PPA2: variants seen among roughly 807,000 people sequenced by gnomAD.
The protein encoded by PPA2 is inorganic pyrophosphatase 2.
PPA2 carries 48 observed loss-of-function variants against 49.5 expected under a neutral mutation model. The observed-to-expected ratio is 0.97, with a 90% CI of 0.77 to 1.23. The LOEUF is 1.23. PPA2 is among the 50% of genes most tolerant of loss of function. The probability of loss-of-function intolerance (pLI) is 0.00; values close to 1 mark genes in which losing one functional copy is unlikely to be tolerated. For missense variants in PPA2, 429 were observed against 410.1 expected (o/e 1.05, Z -0.40); for synonymous variants, 131 against 139.9 (o/e 0.94, Z 0.45).
intron 10 of PPA2, among the ~76,000 whole-genome samples, chr4:105,382,689 A>G (rs1381526277): frequency 1.3e-5 from 2 of 152,164 alleles, no homozygotes; most frequent in African/African-American, 2.4e-5. Flanking sequence ...GGTTAAAAAA[A>G]TAAAAAAACT....
At position 105,405,576 on chromosome 4, in the gene PPA2, G is replaced by A. The variant is rs912372607; in HGVS notation, c.656-6412C>T. ...ATTTCTGAAATGAGGTTTTCACTGAGTTCAAGCATATTAACCAAATTATCA... is the reference window on the plus strand; with the variant it reads ...ATTTCTGAAATGAGGTTTTCACTGAATTCAAGCATATTAACCAAATTATCA... On this transcript the variant is annotated intron_variant, in intron 7 of 11. Coordinates refer to ENST00000341695, the MANE Select transcript of PPA2 (RefSeq NM_176869.3). 7 of 982,836 alleles carry A rather than the reference G, an allele frequency of 7.1e-6. No homozygotes were observed. In the African/African-American group the frequency reaches 1.2e-4, roughly 17 times the overall value. 60.9% of individuals were successfully genotyped at this position (982,836 alleles called of 1,614,324 possible).
chr4:105,445,463 C>T (rs1446091645), intron 5 of PPA2, among the ~76,000 whole-genome samples: 1 of 150,678 alleles, frequency 6.6e-6, no homozygotes, highest in Non-Finnish European at 1.5e-5. Context: ...GAATCAGAGA[C>T]AGCCTGACTC....
At chr4:105,405,934 G>A (rs573072257) in intron 7 of PPA2, 2 of 428,438 alleles carry the variant, frequency 4.7e-6, no homozygotes, top group Admixed American at 5.3e-5. Context: ...GTATATACTG[G>A]AATATTTCTG....
Position 105,474,021 on chromosome 4 carries a change from CG to C in PPA2, c.29del (p.Thr10ArgfsTer46). The C allele has an allele frequency of 6.2e-7, 1 of 1,600,062 alleles. No homozygotes were observed. ...GCAGGCACGCAGCGGCTGGGGCACC[CG>C]TGCGCAGCAGCCGCAGCAGCGCGCT... MSALLRLLR[T>X]GAPAAACLRL... On this transcript the variant is annotated frameshift_variant, in exon 1 of 12. Coordinates refer to ENST00000341695, the MANE Select transcript of PPA2 (RefSeq NM_176869.3). LOFTEE classifies it high-confidence loss of function.
chr4:105,436,220 C>T (rs1013095705), intron 6 of PPA2, among the ~76,000 whole-genome samples: 2 of 151,714 alleles, frequency 1.3e-5, no homozygotes, highest in Admixed American at 1.3e-4. Flanking sequence ...CACACACACA[C>T]GCATCATACA....
At chr4:105,449,073 C>T (rs1230165190) in intron 4 of PPA2, among the ~76,000 whole-genome samples, 2 of 140,008 alleles carry the variant, frequency 1.4e-5, no homozygotes, top group Admixed American at 6.9e-5. Flanking sequence ...AAAAAATAGC[C>T]GGGCGTAGTG....
chr4:105,408,987 G>A (rs562824980), intron 7 of PPA2, among the ~76,000 whole-genome samples: 4 of 152,170 alleles, frequency 2.6e-5, no homozygotes, highest in African/African-American at 9.7e-5. Context: ...AGAGATTGAC[G>A]CAAAAGATGG....
chr4:105,425,851 T>C (rs1723481874), intron 6 of PPA2, among the ~76,000 whole-genome samples: 1 of 151,282 alleles, frequency 6.6e-6, no homozygotes, highest in South Asian at 2.1e-4. Flanking sequence ...AGAGAGTAAA[T>C]CTTAAAAGCA....
chr4:105,380,128 T>C (rs888835116), intron 10 of PPA2, among the ~76,000 whole-genome samples: 21 of 152,180 alleles, frequency 1.4e-4, no homozygotes, highest in African/African-American at 4.3e-4. Context: ...TGAACAATAG[T>C]AGTAGAAGCC....
intron 3 of PPA2, among the ~76,000 whole-genome samples, chr4:105,450,587 G>A (rs1288916179): frequency 3.0e-5 from 4 of 134,578 alleles, no homozygotes; most frequent in Admixed American, 1.6e-4. Flanking sequence ...TGCTGGCCAG[G>A]CTGGTCTGGA....
chr4:105,372,022 C>A lies in PPA2; in HGVS notation c.940-1149G>T, dbSNP rs144876256. 2.7e-3 allele frequency among the ~76,000 whole-genome samples: 415 copies of A among 152,286 alleles called. 2 individuals carry two copies. Among genetic ancestry groups the A allele is most frequent in the African/African-American group, 9.7e-3 (401 of 41,554 alleles). On this transcript the variant is annotated intron_variant, in intron 10 of 11. Coordinates refer to ENST00000341695, the MANE Select transcript of PPA2 (RefSeq NM_176869.3). ...CTTTTACCTCCAAACAGCCACCCAC[C>A]GGCCCCTGCAGAAGTAACGGTGGGT...
intron 7 of PPA2, among the ~76,000 whole-genome samples, chr4:105,410,792 G>C (rs1185113114): frequency 6.6e-6 from 1 of 152,166 alleles, no homozygotes; most frequent in African/African-American, 2.4e-5. Context: ...TTTCAACCCA[G>C]AATTTCATAT....
intron 1 of PPA2, among the ~76,000 whole-genome samples, chr4:105,466,210 A>G (rs1444267056): frequency 6.6e-6 from 1 of 152,124 alleles, no homozygotes; most frequent in African/African-American, 2.4e-5. Flanking sequence ...GTAATAGAGA[A>G]CACCCACTTG....
intron 1 of PPA2, among the ~76,000 whole-genome samples, chr4:105,473,150 G>A (rs377346197): frequency 6.6e-6 from 1 of 152,192 alleles, no homozygotes; most frequent in African/African-American, 2.4e-5. Context: ...CGTACACAGT[G>A]AAACAATGGG....
chr4:105,461,706 C>T (rs541634108), intron 1 of PPA2, among the ~76,000 whole-genome samples: 110 of 152,310 alleles, frequency 7.2e-4, no homozygotes, highest in Non-Finnish European at 1.2e-3. Context: ...TCAACAGTCA[C>T]TCAATTTCTC....
At chr4:105,378,652 T>G (rs1245268684) in intron 10 of PPA2, among the ~76,000 whole-genome samples, 1 of 152,132 alleles carries the variant, frequency 6.6e-6, no homozygotes, top group East Asian at 1.9e-4. Flanking sequence ...ATCTAAGAAA[T>G]ACTGTCTAAC....
chr4:105,461,272 A>T (rs916724263), intron 1 of PPA2, among the ~76,000 whole-genome samples: 1 of 152,256 alleles, frequency 6.6e-6, no homozygotes. Context: ...CACGGGACCC[A>T]TGTTCAAAAA....
chr4:105,444,124 G>A (rs76088499), intron 5 of PPA2, among the ~76,000 whole-genome samples: 2,738 of 152,240 alleles, frequency 0.018, 67 homozygotes, highest in African/African-American at 0.052. Flanking sequence ...GTACTTACAA[G>A]AACACCTTGC....
chr4:105,413,998 C>T (rs1722882524), intron 7 of PPA2, among the ~76,000 whole-genome samples: 1 of 152,106 alleles, frequency 6.6e-6, no homozygotes, highest in African/African-American at 2.4e-5. Context: ...CTCTGGTATA[C>T]CAAAAGAATG....
Sources: allele counts gnomAD v4.1 joint callset (sites outside exome capture counted in the v4.1 genomes callset), GRCh38; gene constraint gnomAD v4.1.1; transcripts MANE v1.5; gene names NCBI Gene and HGNC (gene_info 2026-07-23, HGNC 2026-07-21).